The following SPAG1 variants were observed in gnomAD, a reference collection of about 807,000 sequenced individuals.
SPAG1 encodes the protein sperm-associated antigen 1.
A neutral mutation model predicts 100.5 loss-of-function variants in SPAG1; 69 were observed. That is an observed-to-expected ratio of 0.69 (90% CI 0.57 to 0.84). The LOEUF (loss-of-function observed/expected upper bound fraction) is 0.84. SPAG1 is among the 40% of genes least tolerant of loss of function. The pLI is 0.00. For synonymous variants in SPAG1, 336 were observed against 411.6 expected (o/e 0.82, Z 2.22); for missense variants, 955 against 1,133.1 (o/e 0.84, Z 2.26).
intron 10 of SPAG1, among the ~76,000 whole-genome samples, chr8:100,202,308 A>G (rs191126018): frequency 3.3e-3 from 495 of 151,854 alleles, no homozygotes; most frequent in Non-Finnish European, 5.0e-3. Context: ...TGTTTTTAGT[A>G]TGTGGAAATC....
intron 2 of SPAG1, among the ~76,000 whole-genome samples, chr8:100,163,370 G>C (rs1454288568): frequency 6.6e-6 from 1 of 151,788 alleles, no homozygotes; most frequent in Non-Finnish European, 1.5e-5. Context: ...CCACCAACCT[G>C]TGACACCTCT....
chr8:100,207,224 C>T (rs1407475907), intron 10 of SPAG1, among the ~76,000 whole-genome samples: 1 of 152,194 alleles, frequency 6.6e-6, no homozygotes, highest in Non-Finnish European at 1.5e-5. Flanking sequence ...AGCCTTCCAT[C>T]ATCAAATGGA....
At chr8:100,215,998 G>A (rs975136894) in intron 12 of SPAG1, among the ~76,000 whole-genome samples, 7 of 152,138 alleles carry the variant, frequency 4.6e-5, no homozygotes, top group African/African-American at 1.2e-4. Flanking sequence ...GCTCACACTC[G>A]CTAATCATTA....
At chr8:100,197,207 C>G (rs1371242382) in intron 10 of SPAG1, among the ~76,000 whole-genome samples, 2 of 151,860 alleles carry the variant, frequency 1.3e-5, no homozygotes, top group East Asian at 3.9e-4. Flanking sequence ...ACTCATAGTC[C>G]CAGGGAGCTC....
At chr8:100,218,081 C>T (rs927027909) in intron 12 of SPAG1, among the ~76,000 whole-genome samples, 8 of 152,156 alleles carry the variant, frequency 5.3e-5, no homozygotes, top group East Asian at 1.9e-4. Context: ...CTTGAGCCAC[C>T]GTGCCTGGCC....
chr8:100,191,427 C>G lies in SPAG1; in HGVS notation c.870C>G (p.Asn290Lys). The change falls in exon 9 of 19, where the codon AAC becomes AAG. Residue 290 changes from asparagine to lysine, a missense_variant. Physicochemically the swap from Asn to Lys is moderately conservative, Grantham distance 94 (BLOSUM62 0). Coordinates refer to ENST00000388798, the MANE Select transcript of SPAG1 (RefSeq NM_003114.5). Reference protein sequence around the residue: ...LRRATTYKHQNKLREATEDLS... With the variant: ...LRRATTYKHQKKLREATEDLS... ...GTGCTACTACATATAAACATCAAAA[C>G]AAGCTCCGGGAAGCTACAGAAGATT... The G allele has an allele frequency of 6.2e-7, 1 of 1,614,016 alleles. No individual in the cohort carries two copies. The highest frequency in any genetic ancestry group is 1.1e-5 in the South Asian group (1 of 91,060).
At chr8:100,225,086 C>G (rs1818446527) in intron 13 of SPAG1, 87 bp from the exon 14 acceptor site, 1 of 1,025,266 alleles carries the variant, frequency 9.8e-7, no homozygotes, top group Admixed American at 2.1e-5. Context: ...ATTTGCATAG[C>G]ATTTGCAAAT....
chr8:100,162,167 A>G lies in SPAG1; in HGVS notation c.-2-112A>G, dbSNP rs1815336937. ...AACATAGGGAGACTCTGTCTCTACA[A>G]AAAATTTTTAAAAATTCAAAAAAAT... On this transcript the variant is annotated intron_variant, in intron 1 of 18. Coordinates refer to ENST00000388798, the MANE Select transcript of SPAG1 (RefSeq NM_003114.5). The G allele has an allele frequency of 4.6e-6, 4 of 877,764 alleles. No individual in the cohort carries two copies. The East Asian group carries it at 8.7e-5, about 19-fold the overall frequency. The allele number at this position is 877,764 out of a possible 1,614,324, so 54.4% of individuals were successfully genotyped here.
chr8:100,213,677 G>T (rs1586498218), intron 11 of SPAG1, 142 bp from the exon 12 acceptor site: 1 of 588,060 alleles, frequency 1.7e-6, no homozygotes, highest in South Asian at 2.5e-5. Context: ...GCTGTTGCGG[G>T]TAGCAGCTCC....
At chr8:100,183,838 T>C (rs1461235057) in intron 5 of SPAG1, 118 bp from the exon 6 acceptor site, 1 of 577,162 alleles carries the variant, frequency 1.7e-6, no homozygotes, top group Non-Finnish European at 3.1e-6. Flanking sequence ...ATTAACTTAC[T>C]ACATATTTTT....
Position 100,241,032 on chromosome 8 carries a change from A to T in SPAG1, c.*10A>T, listed in dbSNP as rs1819251772. 1.2e-6 allele frequency: 2 copies of T among 1,608,114 alleles called. No homozygotes were observed. The highest frequency in any genetic ancestry group is 3.4e-5 in the Admixed American group (2 of 58,370). ...GCAGTATGAGCTTTAAATCAAGATA[A>T]TTGTTAGATTTCTTCCATGCATGTA... On this transcript the variant is annotated 3_prime_UTR_variant, in exon 19 of 19. Transcript: ENST00000388798. This position sits in a 1 kb window ranked among gnomAD's most constrained non-coding sequence, Gnocchi z 5.1.
chr8:100,201,035 T>G (rs1460521075), intron 10 of SPAG1, among the ~76,000 whole-genome samples: 1 of 152,178 alleles, frequency 6.6e-6, no homozygotes, highest in East Asian at 1.9e-4. Flanking sequence ...CTTGTACTTT[T>G]GATATCATAT....
intron 10 of SPAG1, among the ~76,000 whole-genome samples, chr8:100,210,562 T>C (rs986306202): frequency 6.6e-6 from 1 of 152,226 alleles, no homozygotes; most frequent in African/African-American, 2.4e-5. Context: ...GCTCCTGTTT[T>C]TTTCTCTCAT....
At chr8:100,228,485 G>A (rs937135329) in intron 14 of SPAG1, among the ~76,000 whole-genome samples, 3 of 151,980 alleles carry the variant, frequency 2.0e-5, no homozygotes, top group Admixed American at 6.6e-5. Context: ...GGCTGAGGTG[G>A]GCAGATCGCC....
chr8:100,234,518 T>G (rs1368294624), intron 16 of SPAG1, among the ~76,000 whole-genome samples: 1 of 152,242 alleles, frequency 6.6e-6, no homozygotes, highest in Non-Finnish European at 1.5e-5. Context: ...TCATATAGAA[T>G]GGACTCTACT....
intron 4 of SPAG1, among the ~76,000 whole-genome samples, chr8:100,180,458 A>C (rs1446136189): frequency 1.3e-5 from 2 of 152,218 alleles, no homozygotes; most frequent in Admixed American, 6.5e-5. Context: ...ATAGCCCTTA[A>C]GGGGGATACT....
At chr8:100,163,865 G>T (rs1299951113) in intron 2 of SPAG1, among the ~76,000 whole-genome samples, 1 of 152,174 alleles carries the variant, frequency 6.6e-6, no homozygotes, top group African/African-American at 2.4e-5. Flanking sequence ...TTTATTGGAT[G>T]AAACAGTTGG....
At chr8:100,198,879 A>T (rs1817145827) in intron 10 of SPAG1, among the ~76,000 whole-genome samples, 2 of 152,210 alleles carry the variant, frequency 1.3e-5, no homozygotes, top group Non-Finnish European at 2.9e-5. Context: ...ATGGAATCAT[A>T]GTATGTAGAC....
At chr8:100,237,763 T>C (rs1244183089) in intron 16 of SPAG1, among the ~76,000 whole-genome samples, 1 of 152,152 alleles carries the variant, frequency 6.6e-6, no homozygotes, top group Non-Finnish European at 1.5e-5. Context: ...GTGCTAACAC[T>C]TGTCAACATG....
Sources: allele counts gnomAD v4.1 joint callset (sites outside exome capture counted in the v4.1 genomes callset), GRCh38; gene constraint gnomAD v4.1.1; non-coding constraint Gnocchi (gnomAD v3.1); transcripts MANE v1.5; gene names NCBI Gene and HGNC (gene_info 2026-07-23, HGNC 2026-07-21).